Variants in TUT4 observed in about 807,000 individuals in gnomAD.
The protein encoded by TUT4 is terminal uridylyltransferase 4.
TUT4 carries 36 observed loss-of-function variants against 192.2 expected under a neutral mutation model. The observed-to-expected ratio is 0.19, with a 90% confidence interval of 0.14 to 0.25. The LOEUF is 0.25. TUT4 is among the 10% of genes least tolerant of loss of function. The pLI is 1.00. For synonymous variants in TUT4, 618 were observed against 666.0 expected (o/e 0.93, Z 1.11); for missense variants, 1,493 against 1,957.2 (o/e 0.76, Z 4.47).
chr1:52,516,694 C>A (rs929654732), intron 2 of TUT4, among the ~76,000 whole-genome samples: 7 of 152,148 alleles, frequency 4.6e-5, no homozygotes, highest in African/African-American at 1.7e-4. Context: ...AAATATAAAC[C>A]AAATCACCTT....
intron 1 of TUT4, among the ~76,000 whole-genome samples, chr1:52,541,547 A>G (rs1352727294): frequency 6.6e-6 from 1 of 152,112 alleles, no homozygotes; most frequent in East Asian, 1.9e-4. Flanking sequence ...AAAAAAAGAA[A>G]GAAACTCCTA....
chr1:52,517,352 G>T (rs567585651), intron 2 of TUT4, among the ~76,000 whole-genome samples: 1 of 152,080 alleles, frequency 6.6e-6, no homozygotes. Context: ...AATGAATCTG[G>T]ATGTATCTAC....
chr1:52,450,133 A>C (rs907491165), intron 20 of TUT4, among the ~76,000 whole-genome samples: 2 of 152,162 alleles, frequency 1.3e-5, no homozygotes, highest in African/African-American at 2.4e-5. Flanking sequence ...GCTGACCATC[A>C]AAAAAATGCT....
chr1:52,529,071 T>C (rs951223396), intron 1 of TUT4, among the ~76,000 whole-genome samples: 4 of 152,158 alleles, frequency 2.6e-5, no homozygotes, highest in Non-Finnish European at 5.9e-5. Context: ...TCCAGAGTAA[T>C]ACTGTCTTTT....
intron 14 of TUT4, among the ~76,000 whole-genome samples, chr1:52,468,903 C>T (rs1270965097): frequency 6.6e-6 from 1 of 152,072 alleles, no homozygotes; most frequent in Non-Finnish European, 1.5e-5. Context: ...CCTATCTCTT[C>T]CAGACTTATC....
intron 20 of TUT4, among the ~76,000 whole-genome samples, chr1:52,456,206 C>T (rs1223811110): frequency 4.6e-5 from 7 of 151,704 alleles, no homozygotes; most frequent in African/African-American, 1.7e-4. Flanking sequence ...ACATTAGAGA[C>T]CAGCCTGGCC....
chr1:52,519,057 CA>C (rs1453538823), intron 2 of TUT4, among the ~76,000 whole-genome samples: 1 of 151,974 alleles, frequency 6.6e-6, no homozygotes, highest in Non-Finnish European at 1.5e-5. Flanking sequence ...TACATCCACA[CA>C]AAAACTTTTA....
intron 2 of TUT4, among the ~76,000 whole-genome samples, chr1:52,520,322 T>A (rs981416181): frequency 6.6e-6 from 1 of 152,180 alleles, no homozygotes; most frequent in Admixed American, 6.5e-5. Context: ...ATACTAGTAA[T>A]GTGATCTGAC....
intron 28 of TUT4, among the ~76,000 whole-genome samples, chr1:52,428,207 G>C (rs1257502489): frequency 6.6e-6 from 1 of 152,172 alleles, no homozygotes. Context: ...ACTTTTTTAG[G>C]CTGGGCACAG....
intron 14 of TUT4, among the ~76,000 whole-genome samples, chr1:52,471,436 G>A (rs928778239): frequency 3.3e-5 from 5 of 152,128 alleles, no homozygotes; most frequent in African/African-American, 9.7e-5. Flanking sequence ...TTTACACTGC[G>A]TTTTGTTTAC....
chr1:52,525,824 C>A lies in TUT4; in HGVS notation c.457G>T (p.Val153Leu). Residue 153 changes from valine (V) to leucine (L), a missense_variant, in exon 2 of 30, where the codon GTA (valine) becomes TTA (leucine). Val to Leu is a conservative substitution (Grantham distance 32). Around this residue, in one of 7 missense-constraint regions of TUT4, gnomAD observed 260 missense variants for 247.8 expected, o/e 1.05. Transcript: ENST00000257177. The stretch of plus-strand genomic sequence containing the variant: ...TCTGCTTCTGCTGGTGAACTTGGTA[C>A]TTTTTCTGACTTCATCTGATAACTG... Reference protein sequence around the residue: ...ASSYQMKSEKVPSSPAEAEKG... With the variant: ...ASSYQMKSEKLPSSPAEAEKG... 6.2e-7 allele frequency: 1 copy of A among 1,614,142 alleles called. No individual in the cohort carries two copies. Among genetic ancestry groups the A allele is most frequent in the South Asian group, 1.1e-5 (1 of 91,080 alleles).
In TUT4 at chr1:52,423,496, A is replaced by G. The variant is rs77071639; in HGVS notation, c.*439T>C. On this transcript the variant is annotated 3_prime_UTR_variant, in exon 30 of 30. Transcript: ENST00000257177. ...TAGAAGTGACAATTTAAAACACATGAAATTCTTTCCTAACTTTTAAGAACA... is the reference window on the plus strand; with the variant it reads ...TAGAAGTGACAATTTAAAACACATGGAATTCTTTCCTAACTTTTAAGAACA... The G allele has an allele frequency of 6.4e-3, 1,204 of 188,750 alleles. 15 individuals carry two copies. Among genetic ancestry groups the G allele is most frequent in the Middle Eastern group, 0.013 (5 of 394 alleles). 11.7% of individuals were successfully genotyped at this position (188,750 alleles called of 1,614,324 possible). A position where few individuals can be genotyped will look rare whatever the true frequency, so the allele number is the denominator to read the frequency against.
chr1:52,527,544 T>C (rs1682137523), intron 1 of TUT4, among the ~76,000 whole-genome samples: 1 of 151,906 alleles, frequency 6.6e-6, no homozygotes, highest in Admixed American at 6.6e-5. Context: ...AGAGTAAGAC[T>C]CTGTCTCAAA....
intron 15 of TUT4, among the ~76,000 whole-genome samples, chr1:52,467,969 CTGATA>C (rs1316378227): frequency 6.6e-6 from 1 of 152,100 alleles, no homozygotes; most frequent in Non-Finnish European, 1.5e-5. Flanking sequence ...GTATTATTTG[CTGATA>C]TAATATTATA....
At position 52,470,058 on chromosome 1, in the gene TUT4, C is replaced by T. The variant is rs567885442; in HGVS notation, c.2879-1791G>A. 2.6e-5 allele frequency among the ~76,000 whole-genome samples: 4 copies of T among 152,220 alleles called. No individual in the cohort carries two copies. The East Asian group carries it at 7.7e-4, about 29-fold the overall frequency. On this transcript the variant is annotated intron_variant, in intron 14 of 29. Coordinates refer to ENST00000257177, the MANE Select transcript of TUT4 (RefSeq NM_001009881.3). ...GTGTTCAGGTCTTGGTTTCTAATCTCATTCTCCAATAAAAGGAACCACAGC... is the reference window on the plus strand; with the variant it reads ...GTGTTCAGGTCTTGGTTTCTAATCTTATTCTCCAATAAAAGGAACCACAGC...
chr1:52,485,380 C>T (rs1669530603), intron 9 of TUT4, among the ~76,000 whole-genome samples: 2 of 151,972 alleles, frequency 1.3e-5, no homozygotes, highest in Non-Finnish European at 2.9e-5. Flanking sequence ...CTAGGGTTTT[C>T]TAGGTGTACA....
At position 52,423,763 on chromosome 1, in the gene TUT4, A is replaced by C; in HGVS notation, c.*172T>G. 1 of 1,440,282 alleles carries C rather than the reference A, an allele frequency of 6.9e-7. No homozygotes were observed. The highest frequency in any genetic ancestry group is 9.4e-7 in the Non-Finnish European group (1 of 1,061,154). 89.2% of individuals were successfully genotyped at this position (1,440,282 alleles called of 1,614,324 possible). On this transcript the variant is annotated 3_prime_UTR_variant, in exon 30 of 30. Transcript: ENST00000257177. Reference sequence around the variant, plus strand: ...TAAAAACAGTCTTAGAATTTAAATAAGCTATCTAAACGTGTTAAAATTTTA... The same window carrying C: ...TAAAAACAGTCTTAGAATTTAAATACGCTATCTAAACGTGTTAAAATTTTA...
At position 52,536,993 on chromosome 1, in the gene TUT4, G is replaced by A. The variant is rs368514049; in HGVS notation, c.-93-10620C>T. Reference sequence around the variant, plus strand: ...ACCCTGGCTAACACGGTGAAACCCCGTCTCTACTAACAAAAAATTAGCCGG... The same window carrying A: ...ACCCTGGCTAACACGGTGAAACCCCATCTCTACTAACAAAAAATTAGCCGG... On this transcript the variant is annotated intron_variant, in intron 1 of 29. Transcript: ENST00000257177. Among the ~76,000 whole-genome samples, 51 of 151,772 alleles carry A rather than the reference G, an allele frequency of 3.4e-4. 1 individual carries two copies. Among genetic ancestry groups the A allele is most frequent in the Admixed American group, 1.4e-3 (22 of 15,222 alleles).
chr1:52,477,718 T>C lies in TUT4; in HGVS notation c.2013A>G (p.Ile671Met). The change falls in exon 12 of 30, where the codon ATA (isoleucine) becomes ATG (methionine). Residue 671 changes from isoleucine (I) to methionine (M), a missense_variant. Transcript: ENST00000257177. Reference protein sequence around the residue: ...RENKNWPKRRIAIEDPFSVKR... With the variant: ...RENKNWPKRRMAIEDPFSVKR... ...AACATATCATCTCACCTTCAATGGCTATTCGCCTTTTAGGCCAGTTTTTAT... is the reference window on the plus strand; with the variant it reads ...AACATATCATCTCACCTTCAATGGCCATTCGCCTTTTAGGCCAGTTTTTAT... The C allele has an allele frequency of 6.2e-7, 1 of 1,609,562 alleles. No individual in the cohort carries two copies. Among genetic ancestry groups the C allele is most frequent in the South Asian group, 1.1e-5 (1 of 90,346 alleles).
Sources: allele counts gnomAD v4.1 joint callset (sites outside exome capture counted in the v4.1 genomes callset), GRCh38; gene constraint gnomAD v4.1.1; regional missense constraint gnomAD v4.1.1; transcripts MANE v1.5; gene names NCBI Gene and HGNC (gene_info 2026-07-23, HGNC 2026-07-21).